Variants in UGT1A8 observed in about 807,000 individuals in gnomAD.
The protein encoded by UGT1A8 is UDP glucuronosyltransferase family 1 member A8, also known as UDP-glucuronosyltransferase 1A8.
UGT1A8 carries 39 observed loss-of-function variants against 45.3 expected under a neutral mutation model. The observed-to-expected ratio is 0.86, with a 90% confidence interval of 0.67 to 1.12. UGT1A8 has a LOEUF of 1.12. UGT1A8 is among the 50% of genes most tolerant of loss of function. The probability of loss-of-function intolerance (pLI) is 0.00; values close to 1 mark genes in which losing one functional copy is unlikely to be tolerated. For synonymous variants in UGT1A8, 275 were observed against 249.2 expected, an observed-to-expected ratio of 1.10 and a Z score of -0.97; for missense variants, 719 against 664.9, an observed-to-expected ratio of 1.08 and a Z score of -0.90.
At chr2:233,729,148 C>T (rs1366354347) in intron 1 of UGT1A8, 5 of 1,613,474 alleles carry the variant, frequency 3.1e-6, no homozygotes, top group Non-Finnish European at 4.2e-6. Context: ...ACTCCAGGTT[C>T]CCCTGCCGTG....
intron 1 of UGT1A8, chr2:233,682,801 T>C (rs1356907004): frequency 6.2e-7 from 1 of 1,609,304 alleles, no homozygotes; most frequent in African/African-American, 1.3e-5. Flanking sequence ...TGGTAAGTTA[T>C]CTCCCCTTTA....
At chr2:233,744,461 A>T (rs6741543) in intron 1 of UGT1A8, among the ~76,000 whole-genome samples, 5,148 of 151,990 alleles carry the variant, frequency 0.034, 162 homozygotes, top group African/African-American at 0.052. Context: ...ATTAAAACAG[A>T]ATTAAAAAGA....
intron 1 of UGT1A8, chr2:233,648,634 T>G (rs963801036): frequency 2.2e-4 from 53 of 245,336 alleles, no homozygotes; most frequent in African/African-American, 1.2e-3. Context: ...CTAATTTTTT[T>G]TTTGTATTTT....
At chr2:233,705,963 C>T (rs980929573) in intron 1 of UGT1A8, among the ~76,000 whole-genome samples, 2 of 152,108 alleles carry the variant, frequency 1.3e-5, no homozygotes, top group East Asian at 1.9e-4. Flanking sequence ...GAGGTGCATG[C>T]CTGTGGTTCC....
intron 1 of UGT1A8, chr2:233,691,707 C>G: frequency 1.1e-6 from 1 of 940,490 alleles, no homozygotes; most frequent in Non-Finnish European, 1.3e-6. Flanking sequence ...GAGTCACTCC[C>G]CTGGCAGATG....
chr2:233,685,276 G>A (rs977279577), intron 1 of UGT1A8, among the ~76,000 whole-genome samples: 6 of 152,028 alleles, frequency 3.9e-5, no homozygotes, highest in Admixed American at 6.6e-5. Context: ...CAAGTGATCC[G>A]CCCGCCTCCG....
At chr2:233,713,396 G>A in intron 1 of UGT1A8, 1 of 1,614,032 alleles carries the variant, frequency 6.2e-7, no homozygotes, top group Non-Finnish European at 8.5e-7. Context: ...TGCATAATGA[G>A]GCCCTGATCA....
chr2:233,751,263 C>A (rs1694683349), intron 1 of UGT1A8, among the ~76,000 whole-genome samples: 1 of 151,922 alleles, frequency 6.6e-6, no homozygotes, highest in African/African-American at 2.4e-5. Context: ...CCTGTAGCCC[C>A]CTTTTTTTGG....
At chr2:233,750,510 T>C (rs565350753) in intron 1 of UGT1A8, 3 of 152,104 alleles carry the variant, frequency 2.0e-5, no homozygotes, top group South Asian at 4.1e-4. Flanking sequence ...AAATGTTAAT[T>C]GCCAAGACAA....
At chr2:233,661,622 A>ATTTTCT (rs374311396) in intron 1 of UGT1A8, among the ~76,000 whole-genome samples, 4 of 68,474 alleles carry the variant, frequency 5.8e-5, no homozygotes, top group African/African-American at 1.7e-4. Flanking sequence ...GACTTACTGA[A>ATTTTCT]TTTTCTTTCT....
intron 1 of UGT1A8, among the ~76,000 whole-genome samples, chr2:233,621,377 C>T (rs555543220): frequency 4.1e-4 from 63 of 152,192 alleles, no homozygotes; most frequent in African/African-American, 1.5e-3. Context: ...GAAAAGAATT[C>T]GGGCTTCGTC....
intron 1 of UGT1A8, among the ~76,000 whole-genome samples, chr2:233,717,106 AAACACCACTACATGGAAATAG>A (rs1002287058): frequency 5.9e-5 from 9 of 152,296 alleles, no homozygotes; most frequent in South Asian, 2.1e-4. Flanking sequence ...TATCTAAATA[AAACACCACTACATGGAAATAG>A]AACACCACTA....
intron 1 of UGT1A8, chr2:233,637,315 G>T (rs142662851): frequency 1.9e-6 from 3 of 1,613,896 alleles, no homozygotes; most frequent in East Asian, 2.2e-5. Flanking sequence ...TCCCAAACCC[G>T]TGATGCCCAA....
At chr2:233,649,040 C>T (rs1404991142) in intron 1 of UGT1A8, 9 of 1,082,286 alleles carry the variant, frequency 8.3e-6, no homozygotes, top group Non-Finnish European at 1.1e-5. Flanking sequence ...AGTCATTGCT[C>T]CTTTAGCACA....
intron 1 of UGT1A8, among the ~76,000 whole-genome samples, chr2:233,741,049 G>T (rs1450798291): frequency 1.3e-5 from 2 of 151,748 alleles, no homozygotes; most frequent in Non-Finnish European, 2.9e-5. Context: ...ATCTTGCCTA[G>T]GTAACAGCTA....
At chr2:233,687,202 G>A (rs1048780316) in intron 1 of UGT1A8, among the ~76,000 whole-genome samples, 8 of 152,298 alleles carry the variant, frequency 5.3e-5, no homozygotes, top group African/African-American at 1.9e-4. Flanking sequence ...AATTGGGTGG[G>A]TGATATGCAT....
intron 1 of UGT1A8, chr2:233,718,964 G>A (rs767708509): frequency 1.1e-5 from 17 of 1,614,104 alleles, no homozygotes; most frequent in Non-Finnish European, 1.4e-5. Flanking sequence ...GGGAGGCCTT[G>A]CGGGAGCTCC....
chr2:233,705,417 G>T (rs1339008416), intron 1 of UGT1A8, among the ~76,000 whole-genome samples: 2 of 152,146 alleles, frequency 1.3e-5, no homozygotes, highest in African/African-American at 4.8e-5. Context: ...TGTCTTCAGA[G>T]GTGGCTCATA....
chr2:233,703,391 T>C (rs552100359), intron 1 of UGT1A8, among the ~76,000 whole-genome samples: 30 of 152,276 alleles, frequency 2.0e-4, no homozygotes, highest in East Asian at 9.6e-4. Context: ...TATTTTCAAA[T>C]AAACAATTTT....
Sources: gnomAD v4.1 joint callset for allele counts (sites outside exome capture counted in the v4.1 genomes callset) on GRCh38, gnomAD v4.1.1 for gene constraint, MANE v1.5 for transcripts, NCBI Gene and HGNC (gene_info 2026-07-23, HGNC 2026-07-21) for gene names.